Variants in SMURF2 observed in about 807,000 individuals in gnomAD.
The protein encoded by SMURF2 is SMAD specific E3 ubiquitin protein ligase 2.
A neutral mutation model predicts 109.6 loss-of-function variants in SMURF2; 48 were observed. The observed-to-expected ratio is 0.44, with a 90% CI of 0.35 to 0.56. The LOEUF is 0.56. Ranked by LOEUF, SMURF2 falls within the 20% of genes least tolerant of loss-of-function variation. SMURF2 has a pLI of 0.01. For missense variants in SMURF2, 575 were observed against 909.0 expected (o/e 0.63, Z 4.72); for synonymous variants, 288 against 317.1 (o/e 0.91, Z 0.97).
At chr17:64,600,330 G>A (rs1969876740) in intron 2 of SMURF2, among the ~76,000 whole-genome samples, 1 of 152,266 alleles carries the variant, frequency 6.6e-6, no homozygotes, top group Admixed American at 6.5e-5. Context: ...AAATTTAAAA[G>A]GTGGAACTAA....
At chr17:64,584,699 A>G (rs1175460105) in intron 6 of SMURF2, among the ~76,000 whole-genome samples, 1 of 152,170 alleles carries the variant, frequency 6.6e-6, no homozygotes, top group Non-Finnish European at 1.5e-5. Context: ...AATTAATTTA[A>G]TGAAAAAGAG....
chr17:64,617,213 A>G (rs991369175), intron 1 of SMURF2, among the ~76,000 whole-genome samples: 1 of 152,096 alleles, frequency 6.6e-6, no homozygotes, highest in African/African-American at 2.4e-5. Flanking sequence ...CAACAGATAT[A>G]GTAATTTACC....
chr17:64,633,984 GTC>G (rs1970381650), intron 1 of SMURF2, among the ~76,000 whole-genome samples: 1 of 152,156 alleles, frequency 6.6e-6, no homozygotes, highest in Admixed American at 6.6e-5. Context: ...TGGCGAAACT[GTC>G]TCTACTAAAA....
chr17:64,661,797 G>A (rs897883000), intron 1 of SMURF2, 32 bp downstream of exon 1: 14 of 1,217,342 alleles, frequency 1.2e-5, no homozygotes, highest in Non-Finnish European at 1.4e-5. Flanking sequence ...CCACCCCGCG[G>A]CTGCCCAGCC....
chr17:64,573,625 C>T (rs765243224), intron 9 of SMURF2, among the ~76,000 whole-genome samples: 45 of 152,106 alleles, frequency 3.0e-4, no homozygotes, highest in Non-Finnish European at 4.7e-4. Context: ...AAAGGGAGTT[C>T]GGGGGACTGA....
intron 1 of SMURF2, among the ~76,000 whole-genome samples, chr17:64,645,939 T>C (rs1970553578): frequency 6.6e-6 from 1 of 152,158 alleles, no homozygotes; most frequent in Non-Finnish European, 1.5e-5. Flanking sequence ...CATAAATAAG[T>C]AGGTAATGAA....
chr17:64,574,464 A>G (rs1241572222), intron 9 of SMURF2, among the ~76,000 whole-genome samples: 1 of 152,252 alleles, frequency 6.6e-6, no homozygotes, highest in East Asian at 1.9e-4. Context: ...GGATAAATCT[A>G]GGTATCCTGG....
intron 1 of SMURF2, among the ~76,000 whole-genome samples, chr17:64,648,967 T>C (rs527396698): frequency 1.3e-5 from 2 of 152,344 alleles, no homozygotes; most frequent in Admixed American, 6.5e-5. Flanking sequence ...ATTAGATTCA[T>C]ACAATTCTGA....
At position 64,648,085 on chromosome 17, in the gene SMURF2, A is replaced by AAAC. The variant is rs1555693150; in HGVS notation, c.52+13743_52+13744insGTT. ...AAAAAAAAAAAAAAAAAAAAAAAAA[A>AAAC]AAAAAAACAGGATCTCAATAGTAAT... On this transcript the variant is annotated intron_variant, in intron 1 of 18. Transcript: ENST00000262435. 2.6e-3 allele frequency among the ~76,000 whole-genome samples: 364 copies of AAAC among 138,960 alleles called. 5 individuals carry two copies. Among genetic ancestry groups the AAAC allele is most frequent in the Middle Eastern group, 7.1e-3 (2 of 280 alleles). 91.2% of individuals were successfully genotyped at this position (138,960 alleles called of 152,430 possible).
Position 64,652,485 on chromosome 17 carries a change from ATTTG to A in SMURF2, c.52+9340_52+9343del, listed in dbSNP as rs72302632. Among the ~76,000 whole-genome samples, 1,470 of 152,146 alleles carry A rather than the reference ATTTG, an allele frequency of 9.7e-3. 28 individuals carry two copies. Among genetic ancestry groups the A allele is most frequent in the African/African-American group, 0.033 (1,371 of 41,534 alleles). On this transcript the variant is annotated intron_variant, in intron 1 of 18. Coordinates refer to ENST00000262435, the MANE Select transcript of SMURF2 (RefSeq NM_022739.4). The stretch of plus-strand genomic sequence containing the variant: ...AGAATTCTATGTATACTGTCAACTG[ATTTG>A]TTTGTTTGTTTGTTTTGAGACAGAA...
intron 1 of SMURF2, among the ~76,000 whole-genome samples, chr17:64,643,078 A>G (rs551131255): frequency 6.6e-6 from 1 of 152,220 alleles, no homozygotes; most frequent in South Asian, 2.1e-4. Flanking sequence ...GGGCTGGAGT[A>G]CAGTGGCGCC....
intron 15 of SMURF2, among the ~76,000 whole-genome samples, chr17:64,552,313 G>C (rs1412763791): frequency 6.6e-6 from 1 of 152,168 alleles, no homozygotes; most frequent in Non-Finnish European, 1.5e-5. Flanking sequence ...TCTATTGTGT[G>C]AATGTACGAT....
chr17:64,611,319 A>G (rs1412828531), intron 1 of SMURF2, among the ~76,000 whole-genome samples: 1 of 152,024 alleles, frequency 6.6e-6, no homozygotes, highest in Non-Finnish European at 1.5e-5. Context: ...TTTTCCATAT[A>G]TTCTCTCTGG....
chr17:64,614,062 G>A (rs1970089427), intron 1 of SMURF2, among the ~76,000 whole-genome samples: 1 of 152,058 alleles, frequency 6.6e-6, no homozygotes, highest in African/African-American at 2.4e-5. Flanking sequence ...GCTGATCTGA[G>A]AGGAGGCTGA....
chr17:64,635,249 C>T (rs954335640), intron 1 of SMURF2, among the ~76,000 whole-genome samples: 17 of 152,180 alleles, frequency 1.1e-4, no homozygotes, highest in African/African-American at 3.6e-4. Context: ...ATTGCTTGAA[C>T]CAGGGAGGTG....
chr17:64,583,470 C>T lies in SMURF2; in HGVS notation c.560G>A (p.Arg187His). ...ATTTGTATGTTCTTACCGTGTTGGGCGCTCCCATTGCGTAGTTCTTGTTAT... is the reference window on the plus strand; with the variant it reads ...ATTTGTATGTTCTTACCGTGTTGGGTGCTCCCATTGCGTAGTTCTTGTTAT... ...NHITRTTQWE[R>H]PTRPASEYSS... Residue 187 changes from arginine (R) to histidine (H), a missense_variant, in exon 7 of 19, where the codon CGC becomes CAC. This residue lies in a region of SMURF2 where 151 missense variants were observed against 178.4 expected (regional missense o/e 0.85). Transcript: ENST00000262435. The T allele has an allele frequency of 6.2e-7, 1 of 1,612,980 alleles. No homozygotes were observed. Among genetic ancestry groups the T allele is most frequent in the South Asian group, 1.1e-5 (1 of 91,046 alleles).
intron 12 of SMURF2, among the ~76,000 whole-genome samples, chr17:64,560,148 G>A (rs1555684407): frequency 6.6e-6 from 1 of 151,758 alleles, no homozygotes; most frequent in African/African-American, 2.4e-5. Context: ...CTAGGAGTTC[G>A]AAGCTGCAGT....
chr17:64,546,272 G>A lies in SMURF2; in HGVS notation c.2138C>T (p.Ala713Val), dbSNP rs1968952946. 2.5e-6 allele frequency: 4 copies of A among 1,614,054 alleles called. No individual in the cohort carries two copies. Among genetic ancestry groups the A allele is most frequent in the Non-Finnish European group, 3.4e-6 (4 of 1,179,932 alleles). The change falls in exon 18 of 19, where the codon GCC (alanine) becomes GTC (valine). Residue 713 changes from alanine to valine, a missense_variant. Transcript: ENST00000262435. ...IDACTNNLPK[A>V]HTCFNRIDIP... The stretch of plus-strand genomic sequence containing the variant: ...TACAAAAATACCTTACCAAGTGTGG[G>A]CTTTCGGCAGGTTGTTAGTGCAGGC...
chr17:64,561,594 G>A lies in SMURF2; in HGVS notation c.1222C>T (p.Arg408Ter), dbSNP rs150764181. Residue 408 changes from arginine (R) to a stop codon, truncating the protein, a stop_gained, in exon 12 of 19, where the codon CGA becomes TGA. Coordinates refer to ENST00000262435, the MANE Select transcript of SMURF2 (RefSeq NM_022739.4). LOFTEE classifies it high-confidence loss of function. The stretch of plus-strand genomic sequence containing the variant: ...TTTGGTCTCATTTTCATGACCTGTC[G>A]ATATGATTCCTGAAAAAAATAATTT... ...SREEIFEESY[R>*]QVMKMRPKDL... 2 of 1,610,746 alleles carry A rather than the reference G, an allele frequency of 1.2e-6. No individual in the cohort carries two copies. Among genetic ancestry groups the A allele is most frequent in the South Asian group, 1.1e-5 (1 of 90,968 alleles).
Sources: gnomAD v4.1 joint callset for allele counts (sites outside exome capture counted in the v4.1 genomes callset) on GRCh38, gnomAD v4.1.1 for gene constraint, gnomAD v4.1.1 regional missense constraint, MANE v1.5 for transcripts, NCBI Gene and HGNC (gene_info 2026-07-23, HGNC 2026-07-21) for gene names.